Variants in RSF1 observed in about 807,000 individuals in gnomAD.
RSF1 encodes remodeling and spacing factor 1.
RSF1 carries 13 observed loss-of-function variants against 145.2 expected under a neutral mutation model. The ratio of observed to expected loss-of-function variants is 0.09; its 90% CI spans 0.06 to 0.14. RSF1 has a LOEUF of 0.14. RSF1 is among the 10% of genes least tolerant of loss of function. The pLI is 1.00. For synonymous variants in RSF1, 577 were observed against 592.6 expected, an observed-to-expected ratio of 0.97 and a Z score of 0.38; for missense variants, 1,517 against 1,718.2, an observed-to-expected ratio of 0.88 and a Z score of 2.07.
intron 1 of RSF1, 116 bp downstream of exon 1, chr11:77,820,411 AG>A: frequency 1.8e-6 from 2 of 1,097,728 alleles, no homozygotes; most frequent in Non-Finnish European, 2.5e-6. Context: ...GTTGCGTCCC[AG>A]GGGGAAGACA....
chr11:77,759,044 C>T (rs1030182421), intron 2 of RSF1, among the ~76,000 whole-genome samples: 1 of 152,104 alleles, frequency 6.6e-6, no homozygotes, highest in African/African-American at 2.4e-5. Context: ...ATGAAGATTT[C>T]CCTTTATTTT....
intron 5 of RSF1, among the ~76,000 whole-genome samples, chr11:77,718,913 T>C (rs895735866): frequency 3.9e-5 from 6 of 152,206 alleles, no homozygotes; most frequent in African/African-American, 9.7e-5. Flanking sequence ...ATCACATTAA[T>C]AATGATCAAA....
At chr11:77,857,834 C>T in the RSF1 span, among the ~76,000 whole-genome samples, 3 of 151,726 alleles carry the variant, frequency 2.0e-5, no homozygotes, top group Admixed American at 6.6e-5. Flanking sequence ...GTAGCTGGGA[C>T]GACAGGTGCG....
At chr11:77,789,065 G>A (rs2135964727) in intron 1 of RSF1, among the ~76,000 whole-genome samples, 1 of 152,166 alleles carries the variant, frequency 6.6e-6, no homozygotes, top group South Asian at 2.1e-4. Flanking sequence ...ACAGAAAAAT[G>A]ACAGGAAACA....
Position 77,758,337 on chromosome 11 carries a change from A to G in RSF1, c.279+6261T>C, listed in dbSNP as rs541509296. Among the ~76,000 whole-genome samples the G allele has an allele frequency of 1.6e-4, 25 of 152,320 alleles. No homozygotes were observed. The South Asian group carries it at 4.4e-3, about 27-fold the overall frequency. Reference sequence around the variant, plus strand: ...ATATTATACATAAGATTTCTGTTCAATGCAAAATCCATCCATCTGTTGATG... The same window carrying G: ...ATATTATACATAAGATTTCTGTTCAGTGCAAAATCCATCCATCTGTTGATG... On this transcript the variant is annotated intron_variant, in intron 2 of 15. Coordinates refer to ENST00000308488, the MANE Select transcript of RSF1 (RefSeq NM_016578.4).
At chr11:77,802,913 C>T (rs1272631131) in intron 1 of RSF1, among the ~76,000 whole-genome samples, 1 of 152,132 alleles carries the variant, frequency 6.6e-6, no homozygotes, top group African/African-American at 2.4e-5. Context: ...TATAGCGCCT[C>T]TCCAGTGCCT....
the RSF1 span, among the ~76,000 whole-genome samples, chr11:77,832,951 ATGTGTGTGTGTGTG>A: frequency 0.15 from 9,937 of 68,110 alleles, 1,410 homozygotes; most frequent in Non-Finnish European, 0.18. Context: ...GTATATATAT[ATGTGTGTGTGTGTG>A]TGTGTGTGTG....
At chr11:77,687,500 ATT>A (rs1450040326) in intron 9 of RSF1, among the ~76,000 whole-genome samples, 1 of 152,040 alleles carries the variant, frequency 6.6e-6, no homozygotes, top group African/African-American at 2.4e-5. Context: ...GAGGCTAGGC[ATT>A]TGAGACCAAG....
intron 5 of RSF1, among the ~76,000 whole-genome samples, chr11:77,709,154 T>G (rs922068061): frequency 2.6e-5 from 4 of 152,196 alleles, no homozygotes; most frequent in African/African-American, 9.7e-5. Context: ...TTGCATGGCT[T>G]GCTCTCTCAG....
intron 5 of RSF1, among the ~76,000 whole-genome samples, chr11:77,721,502 T>C (rs990393692): frequency 6.6e-6 from 1 of 152,152 alleles, no homozygotes; most frequent in Non-Finnish European, 1.5e-5. Context: ...TTGCCTAGTT[T>C]TGAATATTAG....
At chr11:77,748,507 T>A (rs1475434651) in intron 2 of RSF1, among the ~76,000 whole-genome samples, 3 of 151,978 alleles carry the variant, frequency 2.0e-5, no homozygotes, top group Non-Finnish European at 4.4e-5. Context: ...TTACTTCCTC[T>A]GGCTGACAGT....
At chr11:77,692,755 G>GCAAC (rs1473411538) in intron 8 of RSF1, among the ~76,000 whole-genome samples, 4 of 150,336 alleles carry the variant, frequency 2.7e-5, no homozygotes, top group African/African-American at 7.3e-5. Context: ...TTGGCTCACT[G>GCAAC]CAACCTCTGT....
At chr11:77,823,032 G>T (rs571342539), upstream of RSF1, among the ~76,000 whole-genome samples, 3 of 152,110 alleles carry the variant, frequency 2.0e-5, no homozygotes, top group South Asian at 6.2e-4. Flanking sequence ...TGGCTAACGC[G>T]GTGAAACCCG....
chr11:77,741,874 T>C (rs958715118), intron 3 of RSF1, among the ~76,000 whole-genome samples: 4 of 152,204 alleles, frequency 2.6e-5, no homozygotes. Context: ...TCCCTGGTAA[T>C]CACCAATCTA....
chr11:77,847,039 G>A, the RSF1 span, among the ~76,000 whole-genome samples: 20 of 152,150 alleles, frequency 1.3e-4, no homozygotes, highest in African/African-American at 4.8e-4. Flanking sequence ...GTATGAGCAG[G>A]TTTATGGTTA....
At position 77,820,678 on chromosome 11, in the gene RSF1, G is replaced by A. The variant is rs756239249; in HGVS notation, c.37C>T (p.Pro13Ser). 3.9e-6 allele frequency: 6 copies of A among 1,555,130 alleles called. No individual in the cohort carries two copies. The South Asian group carries it at 7.1e-5, about 18-fold the overall frequency. ...GGGCACGAACCCGGGCAGCCCGGAGGAGCCATCACCGCCGCCGCTGCCGCC... is the reference window on the plus strand; with the variant it reads ...GGGCACGAACCCGGGCAGCCCGGAGAAGCCATCACCGCCGCCGCTGCCGCC... ...TAAAAAAVMA[P>S]PGCPGSCPNF... The change falls in exon 1 of 16, where the codon CCT becomes TCT. Residue 13 changes from proline (P) to serine (S), a missense_variant. Coordinates refer to ENST00000308488, the MANE Select transcript of RSF1 (RefSeq NM_016578.4).
chr11:77,695,422 G>A (rs1960256719), intron 7 of RSF1, among the ~76,000 whole-genome samples: 1 of 151,918 alleles, frequency 6.6e-6, no homozygotes, highest in South Asian at 2.1e-4. Flanking sequence ...CCCCACATTT[G>A]TTTATTCAAT....
chr11:77,674,083 T>C (rs1565144053), intron 14 of RSF1, among the ~76,000 whole-genome samples: 1 of 152,250 alleles, frequency 6.6e-6, no homozygotes, highest in Non-Finnish European at 1.5e-5. Flanking sequence ...TTAAAATATC[T>C]GAATTTGGTA....
At chr11:77,741,029 G>T in intron 3 of RSF1, 93 bp from the exon 4 acceptor site, 1 of 915,440 alleles carries the variant, frequency 1.1e-6, no homozygotes, top group Non-Finnish European at 1.7e-6. Flanking sequence ...TTCAGGGAAA[G>T]CAGTGGACAG....
Sources: gnomAD v4.1 joint callset for allele counts (sites outside exome capture counted in the v4.1 genomes callset) on GRCh38, gnomAD v4.1.1 for gene constraint, MANE v1.5 for transcripts, NCBI Gene and HGNC (gene_info 2026-07-23, HGNC 2026-07-21) for gene names.